The following NXPE2 variants were observed in gnomAD, a reference collection of about 807,000 sequenced individuals.
NXPE2 encodes the protein NXPE family member 2.
In NXPE2, 34 loss-of-function variants were observed where a neutral mutation model predicts 34.4. That is an observed-to-expected ratio of 0.99 (90% CI 0.75 to 1.31). The LOEUF is 1.31. Ranked by LOEUF, NXPE2 falls within the 40% of genes most tolerant of loss-of-function variation. The probability of loss-of-function intolerance (pLI) is 0.00; values close to 1 mark genes in which losing one functional copy is unlikely to be tolerated. For missense variants in NXPE2, 649 were observed against 672.5 expected (o/e 0.97, Z 0.39); for synonymous variants, 235 against 231.3 (o/e 1.02, Z -0.15).
the NXPE2 span, among the ~76,000 whole-genome samples, chr11:114,666,376 G>T: frequency 6.6e-6 from 1 of 152,006 alleles, no homozygotes; most frequent in African/African-American, 2.4e-5. Context: ...CCAATTTGGG[G>T]ATGAAAGATT....
the NXPE2 span, among the ~76,000 whole-genome samples, chr11:114,562,721 G>C: frequency 6.6e-6 from 1 of 152,116 alleles, no homozygotes; most frequent in African/African-American, 2.4e-5. Context: ...AAAGGAAAAA[G>C]TATACTTAAT....
the NXPE2 span, among the ~76,000 whole-genome samples, chr11:114,572,221 GC>G: frequency 6.6e-6 from 1 of 152,132 alleles, no homozygotes; most frequent in Non-Finnish European, 1.5e-5. Context: ...CTGAATAGCA[GC>G]CCTTGAATCC....
the NXPE2 span, among the ~76,000 whole-genome samples, chr11:114,739,496 A>G: frequency 5.1e-4 from 78 of 151,498 alleles, no homozygotes; most frequent in East Asian, 0.011. Context: ...AAATTTGTAT[A>G]TATTTAAGGT....
At chr11:114,635,528 T>A in the NXPE2 span, among the ~76,000 whole-genome samples, 5 of 152,162 alleles carry the variant, frequency 3.3e-5, no homozygotes, top group South Asian at 1.0e-3. Flanking sequence ...AGAGAGGGCA[T>A]CCCTGTCTTG....
chr11:114,511,739 G>A, the NXPE2 span, among the ~76,000 whole-genome samples: 8 of 152,204 alleles, frequency 5.3e-5, no homozygotes, highest in African/African-American at 1.4e-4. Context: ...CACGAATGGC[G>A]TGGTGCCCTC....
At chr11:114,534,958 C>T in the NXPE2 span, among the ~76,000 whole-genome samples, 1 of 152,226 alleles carries the variant, frequency 6.6e-6, no homozygotes, top group Non-Finnish European at 1.5e-5. Context: ...TAGAGAAGAG[C>T]AACTCCACGA....
chr11:114,706,322 T>C (rs1951471693), intron 5 of NXPE2, 73 bp from the exon 6 acceptor site: 2 of 1,260,820 alleles, frequency 1.6e-6, no homozygotes, highest in South Asian at 1.6e-5. Flanking sequence ...TAGAATTTTA[T>C]ACATGTTGTG....
the NXPE2 span, among the ~76,000 whole-genome samples, chr11:114,809,053 A>T: frequency 1.3e-5 from 2 of 152,200 alleles, no homozygotes; most frequent in Non-Finnish European, 2.9e-5. Flanking sequence ...ACAAATCAAT[A>T]AATGTAACCC....
chr11:114,543,535 CT>C, the NXPE2 span, among the ~76,000 whole-genome samples: 2 of 149,828 alleles, frequency 1.3e-5, no homozygotes, highest in Non-Finnish European at 3.0e-5. Context: ...AAAAAAAAAT[CT>C]TTTTAGATTG....
At chr11:114,705,271 TA>T (rs1490658367) in intron 4 of NXPE2, among the ~76,000 whole-genome samples, 1 of 152,182 alleles carries the variant, frequency 6.6e-6, no homozygotes, top group Non-Finnish European at 1.5e-5. Context: ...TTAAGGATTT[TA>T]AAAAAAGTAT....
the NXPE2 span, among the ~76,000 whole-genome samples, chr11:114,717,455 T>C: frequency 6.6e-6 from 1 of 152,164 alleles, no homozygotes; most frequent in African/African-American, 2.4e-5. Flanking sequence ...CAGCACACCA[T>C]AGCCAGATCC....
chr11:114,624,295 C>G, the NXPE2 span, among the ~76,000 whole-genome samples: 2 of 151,950 alleles, frequency 1.3e-5, no homozygotes, highest in Non-Finnish European at 1.5e-5. Flanking sequence ...CCACTGTTAC[C>G]CGGTGGATAA....
the NXPE2 span, among the ~76,000 whole-genome samples, chr11:114,653,394 T>G: frequency 6.6e-6 from 1 of 152,144 alleles, no homozygotes; most frequent in South Asian, 2.1e-4. Flanking sequence ...AAACCATCTA[T>G]TTTTTTTCTC....
At chr11:114,716,531 T>C in the NXPE2 span, among the ~76,000 whole-genome samples, 2 of 152,224 alleles carry the variant, frequency 1.3e-5, no homozygotes, top group Non-Finnish European at 2.9e-5. Context: ...GCTTCTGGCA[T>C]GGTGGGACCT....
At chr11:114,665,527 A>G in the NXPE2 span, among the ~76,000 whole-genome samples, 3 of 152,210 alleles carry the variant, frequency 2.0e-5, no homozygotes, top group Non-Finnish European at 4.4e-5. Context: ...AAGCATGCAA[A>G]GAGTTATGTA....
At chr11:114,615,636 T>C in the NXPE2 span, among the ~76,000 whole-genome samples, 3 of 151,608 alleles carry the variant, frequency 2.0e-5, no homozygotes, top group Non-Finnish European at 4.4e-5. Flanking sequence ...GGATAATAAG[T>C]GTTGCCTCTA....
chr11:114,635,155 A>G, the NXPE2 span, among the ~76,000 whole-genome samples: 9 of 150,632 alleles, frequency 6.0e-5, no homozygotes, highest in African/African-American at 2.2e-4. Context: ...AGTGGTTTGT[A>G]GTTCTCCTTG....
chr11:114,496,763 C>T, the NXPE2 span, among the ~76,000 whole-genome samples: 1 of 152,232 alleles, frequency 6.6e-6, no homozygotes, highest in Admixed American at 6.5e-5. Context: ...GAACAACAGA[C>T]CACATATATG....
chr11:114,697,324 C>CT (rs1951276798), intron 2 of NXPE2, among the ~76,000 whole-genome samples: 1 of 152,138 alleles, frequency 6.6e-6, no homozygotes, highest in Non-Finnish European at 1.5e-5. Context: ...TTGAAATAAG[C>CT]TGTCTACAAG....
Sources: allele counts gnomAD v4.1 joint callset (sites outside exome capture counted in the v4.1 genomes callset), GRCh38; gene constraint gnomAD v4.1.1; transcripts MANE v1.5; gene names NCBI Gene and HGNC (gene_info 2026-07-23, HGNC 2026-07-21).